The following ANO10 variants were observed in gnomAD, a reference collection of about 807,000 sequenced individuals.
The protein encoded by ANO10 is anoctamin-10.
In ANO10, 77 loss-of-function variants were observed where a neutral mutation model predicts 74.7. The observed-to-expected ratio is 1.03, with a 90% CI of 0.86 to 1.25. The LOEUF (loss-of-function observed/expected upper bound fraction) is 1.25. ANO10 is among the 50% of genes most tolerant of loss of function. The pLI, the probability that ANO10 is intolerant of heterozygous loss-of-function variation, is 0.00. For missense variants in ANO10, 721 were observed against 778.1 expected (o/e 0.93, Z 0.87); for synonymous variants, 279 against 284.9 (o/e 0.98, Z 0.21).
intron 11 of ANO10, among the ~76,000 whole-genome samples, chr3:43,514,061 T>C (rs1416971469): frequency 6.6e-6 from 1 of 150,832 alleles, no homozygotes; most frequent in African/African-American, 2.4e-5. Context: ...TTATAAATAA[T>C]TGCAAACAAA....
At chr3:43,538,536 CTTTGT>C (rs2078817630) in intron 11 of ANO10, among the ~76,000 whole-genome samples, 2 of 152,158 alleles carry the variant, frequency 1.3e-5, no homozygotes, top group South Asian at 4.1e-4. Context: ...ACTATGGCAG[CTTTGT>C]AATTCTGGCA....
Position 43,474,216 on chromosome 3 carries a change from C to G in ANO10, c.1798-41489G>C, listed in dbSNP as rs141762826. ...GCTGCAAGTTTCAGTACTTCCCCGC[C>G]CCCCCCAACCCCAATTTCTTCCTTT... is the stretch of plus-strand genomic sequence containing the variant. On this transcript the variant is annotated intron_variant, in intron 11 of 12. Transcript: ENST00000292246. Among the ~76,000 whole-genome samples, 7 of 151,760 alleles carry G rather than the reference C, an allele frequency of 4.6e-5. No individual in the cohort carries two copies. In the East Asian group the frequency reaches 5.8e-4, roughly 13 times the overall value.
At chr3:43,621,173 G>T (rs1361922450) in intron 1 of ANO10, among the ~76,000 whole-genome samples, 1 of 152,078 alleles carries the variant, frequency 6.6e-6, no homozygotes, top group Non-Finnish European at 1.5e-5. Flanking sequence ...CCGTCCTGCT[G>T]GAATATAAGG....
At chr3:43,533,162 G>C (rs1174667653) in intron 11 of ANO10, among the ~76,000 whole-genome samples, 2 of 152,160 alleles carry the variant, frequency 1.3e-5, no homozygotes, top group Non-Finnish European at 2.9e-5. Context: ...ATGTTGTCAA[G>C]TGAAACCAAG....
At chr3:43,571,398 C>A (rs893628810) in intron 7 of ANO10, among the ~76,000 whole-genome samples, 1 of 150,260 alleles carries the variant, frequency 6.7e-6, no homozygotes, top group African/African-American at 2.4e-5. Context: ...ATGTTTATTG[C>A]GGCATTATTC....
intron 1 of ANO10, among the ~76,000 whole-genome samples, chr3:43,673,485 G>A (rs1310806706): frequency 1.3e-5 from 2 of 152,138 alleles, no homozygotes. Context: ...AATGACAATA[G>A]ATGGATTTTG....
rs201228393 is a variant in ANO10 at position 43,555,511 on chromosome 3, A to G, written c.1477-42T>C. ...GCATGCATTATTTTAATATCATACA[A>G]TAGGAATATCCTTTTGCAATACTAA... On this transcript the variant is annotated intron_variant, in intron 9 of 12. Transcript: ENST00000292246. The G allele has an allele frequency of 7.4e-5, 117 of 1,585,452 alleles. No homozygotes were observed. In the Middle Eastern group the frequency reaches 1.8e-3, roughly 25 times the overall value.
At chr3:43,434,339 GAATT>G (rs1182597663) in intron 11 of ANO10, among the ~76,000 whole-genome samples, 1 of 152,118 alleles carries the variant, frequency 6.6e-6, no homozygotes, top group African/African-American at 2.4e-5. Context: ...TGAACTAACT[GAATT>G]AATAAAAACC....
At chr3:43,415,160 G>A (rs1312824425) in intron 12 of ANO10, among the ~76,000 whole-genome samples, 1 of 151,464 alleles carries the variant, frequency 6.6e-6, no homozygotes, top group Non-Finnish European at 1.5e-5. Context: ...TATTTTTAGT[G>A]GAAATGGGGT....
chr3:43,616,187 T>C (rs903644167), intron 1 of ANO10, among the ~76,000 whole-genome samples: 2 of 152,056 alleles, frequency 1.3e-5, no homozygotes, highest in African/African-American at 4.8e-5. Context: ...AATGATAGAC[T>C]CTTTAAGAGG....
upstream of ANO10, among the ~76,000 whole-genome samples, chr3:43,623,690 G>A (rs1446244868): frequency 1.3e-5 from 2 of 152,198 alleles, no homozygotes; most frequent in Non-Finnish European, 2.9e-5. Flanking sequence ...AGGAGGCAGG[G>A]AAACTAAAAG....
chr3:43,566,182 C>A (rs1312735224), intron 7 of ANO10, among the ~76,000 whole-genome samples: 1 of 152,226 alleles, frequency 6.6e-6, no homozygotes, highest in East Asian at 1.9e-4. Flanking sequence ...CTCGGAGGGT[C>A]CTACGCCCAC....
intron 12 of ANO10, among the ~76,000 whole-genome samples, chr3:43,415,310 A>C (rs2092722161): frequency 6.6e-6 from 1 of 151,786 alleles, no homozygotes; most frequent in South Asian, 2.1e-4. Context: ...ACTGAGGCCG[A>C]GAGGTTTGGT....
intron 11 of ANO10, among the ~76,000 whole-genome samples, chr3:43,453,211 CTCTG>C (rs1207039983): frequency 6.9e-6 from 1 of 144,882 alleles, no homozygotes; most frequent in Non-Finnish European, 1.5e-5. Flanking sequence ...CGGAGTCTCG[CTCTG>C]TCTCCCAGGC....
At chr3:43,593,245 G>A (rs1310218765) in intron 4 of ANO10, among the ~76,000 whole-genome samples, 3 of 152,066 alleles carry the variant, frequency 2.0e-5, no homozygotes, top group Non-Finnish European at 4.4e-5. Context: ...TTCAAATACA[G>A]GAAATACAGA....
chr3:43,625,534 A>G (rs1044605392), upstream of ANO10, among the ~76,000 whole-genome samples: 3 of 152,170 alleles, frequency 2.0e-5, no homozygotes, highest in Admixed American at 6.5e-5. Context: ...GACTTACTCT[A>G]TTTTGGTCAG....
intron 11 of ANO10, among the ~76,000 whole-genome samples, chr3:43,486,644 C>A (rs2076502698): frequency 6.9e-6 from 1 of 144,564 alleles, no homozygotes; most frequent in South Asian, 2.3e-4. Flanking sequence ...GATTTTTGTA[C>A]ATTGATTTTG....
intron 1 of ANO10, among the ~76,000 whole-genome samples, chr3:43,660,204 C>A (rs576585079): frequency 6.6e-6 from 1 of 152,116 alleles, no homozygotes; most frequent in Non-Finnish European, 1.5e-5. Context: ...CAAAGGAACA[C>A]AACTCCTCGC....
chr3:43,434,962 ATGGTT>A (rs1176207583), intron 11 of ANO10, among the ~76,000 whole-genome samples: 1 of 152,210 alleles, frequency 6.6e-6, no homozygotes, highest in Non-Finnish European at 1.5e-5. Context: ...CATCTTCACA[ATGGTT>A]TTCTTTAGAT....
Sources: gnomAD v4.1 joint callset for allele counts (sites outside exome capture counted in the v4.1 genomes callset) on GRCh38, gnomAD v4.1.1 for gene constraint, MANE v1.5 for transcripts, NCBI Gene and HGNC (gene_info 2026-07-23, HGNC 2026-07-21) for gene names.